Variants in SMARCC2 observed in about 807,000 individuals in gnomAD.
The protein encoded by SMARCC2 is SWI/SNF related BAF chromatin remodeling complex subunit C2.
Under a neutral mutation model 151.3 loss-of-function variants are expected in SMARCC2, and 15 were observed. The observed-to-expected ratio is 0.10, with a 90% CI of 0.07 to 0.15. SMARCC2 has a LOEUF of 0.15. Ranked by LOEUF, SMARCC2 falls within the 10% of genes least tolerant of loss-of-function variation. SMARCC2 has a pLI of 1.00. For missense variants in SMARCC2, 1,031 were observed against 1,599.7 expected (o/e 0.64, Z 6.06); for synonymous variants, 590 against 609.5 (o/e 0.97, Z 0.47).
chr12:56,163,573 TCCTTACGTAGTGATGAA>T lies in SMARCC2; in HGVS notation c.*99_*115del. On this transcript the variant is annotated 3_prime_UTR_variant, in exon 29 of 29. Coordinates refer to ENST00000550164, the MANE Select transcript of SMARCC2 (RefSeq NM_001330288.2). Reference sequence around the variant, plus strand: ...GGCTTTGGAGGGGCGGAAGGAGCTTTCCTTACGTAGTGATGAACTCTCCAGGCTGGGGAGGGTCCCAG... The same window carrying T: ...GGCTTTGGAGGGGCGGAAGGAGCTTTCTCTCCAGGCTGGGGAGGGTCCCAG... 1.9e-6 allele frequency: 1 copy of T among 538,446 alleles called. No individual in the cohort carries two copies. The highest frequency in any genetic ancestry group is 3.2e-6 in the Non-Finnish European group (1 of 311,828). 33.4% of individuals were successfully genotyped at this position (538,446 alleles called of 1,614,324 possible). A position where few individuals can be genotyped will look rare whatever the true frequency, so the allele number is the denominator to read the frequency against.
intron 20 of SMARCC2, 182 bp from the exon 21 acceptor site, chr12:56,172,119 G>A (rs1421526917): frequency 3.4e-6 from 2 of 592,842 alleles, no homozygotes; most frequent in African/African-American, 3.8e-5. Flanking sequence ...TTAATGAAAT[G>A]GCCCAAATCC....
intron 7 of SMARCC2, among the ~76,000 whole-genome samples, chr12:56,182,753 G>C (rs1876479544): frequency 6.8e-6 from 1 of 147,370 alleles, no homozygotes; most frequent in Non-Finnish European, 1.5e-5. Context: ...TACTGTGCCT[G>C]GTCCACAATT....
At chr12:56,186,833 A>G in intron 2 of SMARCC2, 1 of 196,634 alleles carries the variant, frequency 5.1e-6, no homozygotes, top group Non-Finnish European at 1.1e-5. Context: ...AGGAACCAAG[A>G]CTCATGAATG....
intron 1 of SMARCC2, among the ~76,000 whole-genome samples, chr12:56,188,461 G>A (rs556332886): frequency 6.6e-6 from 1 of 152,180 alleles, no homozygotes; most frequent in African/African-American, 2.4e-5. Context: ...CCCTCTCTGA[G>A]GGTAGTGAGA....
At chr12:56,169,097 C>T (rs1157837360) in intron 25 of SMARCC2, among the ~76,000 whole-genome samples, 1 of 152,010 alleles carries the variant, frequency 6.6e-6, no homozygotes, top group East Asian at 1.9e-4. Flanking sequence ...AGTTCAAGAC[C>T]AGCCTGGCCA....
At chr12:56,166,758 T>C (rs769095837) in intron 26 of SMARCC2, among the ~76,000 whole-genome samples, 1 of 151,944 alleles carries the variant, frequency 6.6e-6, no homozygotes, top group African/African-American at 2.4e-5. Flanking sequence ...CCCGGCTAAT[T>C]TGTTTATTTT....
chr12:56,181,665 T>C (rs368801871), intron 9 of SMARCC2, 39 bp downstream of exon 9: 14 of 1,613,998 alleles, frequency 8.7e-6, no homozygotes, highest in Non-Finnish European at 1.1e-5. Flanking sequence ...CTGAGACTTA[T>C]GCTAAGGGCG....
At chr12:56,186,892 C>T (rs1386263958) in intron 2 of SMARCC2, 1 of 232,428 alleles carries the variant, frequency 4.3e-6, no homozygotes, top group African/African-American at 2.3e-5. Context: ...GATTTGAACA[C>T]AAGCCTGCAC....
In SMARCC2 at chr12:56,172,357, C is replaced by T. The variant is rs980140903; in HGVS notation, c.1926+71G>A. The T allele has an allele frequency of 5.1e-6, 7 of 1,380,292 alleles. No homozygotes were observed. The African/African-American group carries it at 5.8e-5, about 11-fold the overall frequency. The allele number at this position is 1,380,292 out of a possible 1,614,324, so 85.5% of individuals were successfully genotyped here. A position where few individuals can be genotyped will look rare whatever the true frequency, so the allele number is the denominator to read the frequency against. ...TTGGCCTCCCAAAGTGCTGGGATTA[C>T]AGGCGTGAGCCTCTACACGGAGCCC... On this transcript the variant is annotated intron_variant, in intron 20 of 28. Transcript: ENST00000550164.
intron 16 of SMARCC2, 62 bp from the exon 17 acceptor site, chr12:56,173,911 G>C: frequency 6.7e-7 from 1 of 1,498,040 alleles, no homozygotes; most frequent in Non-Finnish European, 9.1e-7. Flanking sequence ...CGAGGAAGAG[G>C]AAAAGTGGGG....
chr12:56,180,324 T>C (rs906938803), intron 11 of SMARCC2, among the ~76,000 whole-genome samples: 4 of 151,814 alleles, frequency 2.6e-5, no homozygotes, highest in Non-Finnish European at 4.4e-5. Flanking sequence ...TTAGCCAGGA[T>C]GGTCTCGATC....
At chr12:56,179,920 C>T (rs566040844) in intron 11 of SMARCC2, among the ~76,000 whole-genome samples, 1 of 152,024 alleles carries the variant, frequency 6.6e-6, no homozygotes. Flanking sequence ...CTCTTGACCT[C>T]GTGATCCGCC....
chr12:56,184,708 A>G, intron 5 of SMARCC2, 136 bp downstream of exon 5: 1 of 627,892 alleles, frequency 1.6e-6, no homozygotes, highest in African/African-American at 1.8e-5. Flanking sequence ...CAAGGCTTTA[A>G]CTCAAGTCTT....
rs1387607528 is a variant in SMARCC2, at chr12:56,163,528, CCT to C, written c.*159_*160del. 12 of 438,638 alleles carry C rather than the reference CCT, an allele frequency of 2.7e-5. No homozygotes were observed. The highest frequency in any genetic ancestry group is 1.1e-4 in the South Asian group (2 of 17,688). 27.2% of individuals were successfully genotyped at this position (438,638 alleles called of 1,614,324 possible). A position where few individuals can be genotyped will look rare whatever the true frequency, so the allele number is the denominator to read the frequency against. On this transcript the variant is annotated 3_prime_UTR_variant, in exon 29 of 29. Transcript: ENST00000550164. ...GAATAATCTGATATAAAAATGCATG[CCT>C]CTGTTAGGCATGGTGAGGGCTTTGG...
At chr12:56,164,117 G>A (rs1872311886) in intron 28 of SMARCC2, among the ~76,000 whole-genome samples, 186 bp downstream of exon 28, 2 of 152,074 alleles carry the variant, frequency 1.3e-5, no homozygotes, top group African/African-American at 2.4e-5. Flanking sequence ...AAAGGTGGCA[G>A]CTGCCAGGCT....
At chr12:56,164,275 C>T (rs1248069494) in intron 28 of SMARCC2, 28 bp downstream of exon 28, 2 of 1,607,228 alleles carry the variant, frequency 1.2e-6, no homozygotes. Context: ...CTCTCCCTCA[C>T]CCTTCTCCCC....
intron 11 of SMARCC2, among the ~76,000 whole-genome samples, chr12:56,180,111 T>G (rs945571876): frequency 6.6e-6 from 1 of 152,006 alleles, no homozygotes; most frequent in Admixed American, 6.5e-5. Flanking sequence ...ACATTTTTTT[T>G]TCTTTTTTTT....
chr12:56,162,579 C>T lies in SMARCC2; in HGVS notation c.*1110G>A, dbSNP rs963120287. On this transcript the variant is annotated 3_prime_UTR_variant, in exon 29 of 29. Transcript: ENST00000550164. The stretch of plus-strand genomic sequence containing the variant: ...CCGTCACAGGGGAGAAGCTGGGACA[C>T]GTGGAGCAGGAATGCGGGAAGCAGA... 18 of 449,844 alleles carry T rather than the reference C, an allele frequency of 4.0e-5. No homozygotes were observed. The highest frequency in any genetic ancestry group is 5.9e-4 in the Middle Eastern group (1 of 1,698). The allele number at this position is 449,844 out of a possible 1,614,324, so 27.9% of individuals were successfully genotyped here. A position where few individuals can be genotyped will look rare whatever the true frequency, so the allele number is the denominator to read the frequency against.
intron 28 of SMARCC2, among the ~76,000 whole-genome samples, chr12:56,164,050 GCT>G (rs1872300793): frequency 6.6e-6 from 1 of 152,148 alleles, no homozygotes; most frequent in African/African-American, 2.4e-5. Flanking sequence ...CAACTGAGAT[GCT>G]CTCTGCCACA....
Sources: gnomAD v4.1 joint callset for allele counts (sites outside exome capture counted in the v4.1 genomes callset) on GRCh38, gnomAD v4.1.1 for gene constraint, MANE v1.5 for transcripts, NCBI Gene and HGNC (gene_info 2026-07-23, HGNC 2026-07-21) for gene names.